Variants in GANC observed in about 807,000 individuals in gnomAD.
GANC encodes the protein neutral alpha-glucosidase C.
A neutral mutation model predicts 124.2 loss-of-function variants in GANC; 117 were observed. The ratio of observed to expected loss-of-function variants is 0.94; its 90% CI spans 0.81 to 1.10. GANC has a LOEUF of 1.10. Among genes scored for constraint, GANC ranks in the 50% least tolerant of loss-of-function variants. The pLI, the probability that GANC is intolerant of heterozygous loss-of-function variation, is 0.00. For missense variants in GANC, 1,140 were observed against 1,095.0 expected (o/e 1.04, Z -0.58); for synonymous variants, 377 against 376.8 (o/e 1.00, Z -0.01).
chr15:42,321,762 C>G, intron 10 of GANC, 23 bp from the exon 11 acceptor site: 4 of 1,587,618 alleles, frequency 2.5e-6, no homozygotes, highest in Non-Finnish European at 3.5e-6. Flanking sequence ...GCAGTTGACT[C>G]AGTTGTCATC....
chr15:42,308,250 CT>C lies in GANC; in HGVS notation c.656del (p.Leu219CysfsTer62). On this transcript the variant is annotated frameshift_variant, in exon 8 of 24. Coordinates refer to ENST00000318010, the MANE Select transcript of GANC (RefSeq NM_198141.3). LOFTEE classifies it high-confidence loss of function. ...GPSSIGLDFS[L>X]HGFEHLYGIP... ...CTTCTTCTATTGGTTTGGATTTCTC[CT>C]TGCATGGATTTGAGCATCTTTATGG... is the stretch of plus-strand genomic sequence containing the variant. 1 of 1,608,974 alleles carries C rather than the reference CT, an allele frequency of 6.2e-7. No homozygotes were observed. The highest frequency in any genetic ancestry group is 1.1e-5 in the South Asian group (1 of 90,562).
rs780933339 is a variant in GANC, at chr15:42,339,907, CATG to C, written c.2084_2086del (p.Met695del). 2 of 1,612,146 alleles carry C rather than the reference CATG, an allele frequency of 1.2e-6. No homozygotes were observed. Among genetic ancestry groups the C allele is most frequent in the South Asian group, 2.2e-5 (2 of 90,952 alleles). On this transcript the variant is annotated inframe_deletion and splice_region_variant, in exon 17 of 24. Coordinates refer to ENST00000318010, the MANE Select transcript of GANC (RefSeq NM_198141.3). The stretch of plus-strand genomic sequence containing the variant: ...ATGCACACGTGGCTTCCCAACCTGT[CATG>C]AGGTAAAAAAGCTTCATCCATTCAG...
At chr15:42,319,397 T>G (rs962280867) in intron 10 of GANC, among the ~76,000 whole-genome samples, 1 of 152,178 alleles carries the variant, frequency 6.6e-6, no homozygotes, top group Admixed American at 6.5e-5. Flanking sequence ...CAGGCTGGAG[T>G]GCAGTGGCGT....
chr15:42,353,028 A>C lies in GANC; in HGVS notation c.*889A>C. The C allele has an allele frequency of 1.2e-6, 1 of 820,000 alleles. No homozygotes were observed. Among genetic ancestry groups the C allele is most frequent in the Non-Finnish European group, 1.5e-6 (1 of 678,930 alleles). 50.8% of individuals were successfully genotyped at this position (820,000 alleles called of 1,614,324 possible). On this transcript the variant is annotated 3_prime_UTR_variant, in exon 24 of 24. Coordinates refer to ENST00000318010, the MANE Select transcript of GANC (RefSeq NM_198141.3). ...TAAAAATCAGAATTAATGCAAAAAAAACCATGATGAACAAAATATTAAAAT... is the reference window on the plus strand; with the variant it reads ...TAAAAATCAGAATTAATGCAAAAAACACCATGATGAACAAAATATTAAAAT...
In GANC at chr15:42,352,298, T is replaced by C; in HGVS notation, c.*159T>C. On this transcript the variant is annotated 3_prime_UTR_variant, in exon 24 of 24. Transcript: ENST00000318010. ...ATACTAATGAACAATAGATTTCATG[T>C]TTCAAAATTTCAGATTTTACATGTT... 1 of 1,425,336 alleles carries C rather than the reference T, an allele frequency of 7.0e-7. No homozygotes were observed. The highest frequency in any genetic ancestry group is 2.6e-5 in the East Asian group (1 of 38,984). 88.3% of individuals were successfully genotyped at this position (1,425,336 alleles called of 1,614,324 possible).
At chr15:42,331,921 A>T (rs1366940564) in intron 15 of GANC, among the ~76,000 whole-genome samples, 1 of 152,180 alleles carries the variant, frequency 6.6e-6, no homozygotes. Context: ...ATATTAACCT[A>T]ATTTTGTATT....
chr15:42,330,541 C>A, intron 14 of GANC, 35 bp from the exon 15 acceptor site: 2 of 1,492,908 alleles, frequency 1.3e-6, no homozygotes, highest in Non-Finnish European at 1.9e-6. Flanking sequence ...CAAATCCAAT[C>A]ATCTCTTTGA....
At position 42,296,494 on chromosome 15, in the gene GANC, G is replaced by A. The variant is rs144962707; in HGVS notation, c.513-1117G>A. On this transcript the variant is annotated intron_variant, in intron 5 of 23. Transcript: ENST00000318010. Reference sequence around the variant, plus strand: ...CTCCGCCTCCCAATTGCAGGTTCAAGCAATTCTCCTGCCTCAGCCTCCCAA... The same window carrying A: ...CTCCGCCTCCCAATTGCAGGTTCAAACAATTCTCCTGCCTCAGCCTCCCAA... 1.5e-3 allele frequency among the ~76,000 whole-genome samples: 227 copies of A among 152,250 alleles called. 2 individuals carry two copies. Among genetic ancestry groups the A allele is most frequent in the African/African-American group, 4.7e-3 (194 of 41,536 alleles).
intron 10 of GANC, among the ~76,000 whole-genome samples, chr15:42,317,656 T>G (rs1429266628): frequency 2.5e-5 from 2 of 79,572 alleles, no homozygotes; most frequent in African/African-American, 4.4e-5. Flanking sequence ...GGTACGTGAA[T>G]TCAGTAAAGC....
chr15:42,314,099 C>G (rs775339216), intron 10 of GANC: 2 of 730,518 alleles, frequency 2.7e-6, no homozygotes, highest in Non-Finnish European at 5.0e-6. Context: ...AAAAATAGCT[C>G]TCAGTCTGAG....
Position 42,345,091 on chromosome 15 carries a change from A to C in GANC, c.2230-667A>C, listed in dbSNP as rs545646096. 9.2e-5 allele frequency among the ~76,000 whole-genome samples: 14 copies of C among 152,230 alleles called. No individual in the cohort carries two copies. The South Asian group carries it at 2.7e-3, about 29-fold the overall frequency. On this transcript the variant is annotated intron_variant, in intron 19 of 23. Coordinates refer to ENST00000318010, the MANE Select transcript of GANC (RefSeq NM_198141.3). ...AAGAAAGAAAAAGATGTTTGCTTTCATTCTGCTTCTGATGATATCTTAAGA... is the reference window on the plus strand; with the variant it reads ...AAGAAAGAAAAAGATGTTTGCTTTCCTTCTGCTTCTGATGATATCTTAAGA...
At chr15:42,301,495 C>T (rs1032907176) in intron 6 of GANC, among the ~76,000 whole-genome samples, 6 of 151,672 alleles carry the variant, frequency 4.0e-5, no homozygotes, top group African/African-American at 1.5e-4. Context: ...GGAACACCAG[C>T]GAGACAGAAC....
rs543158800 is a variant in GANC at position 42,274,559 on chromosome 15, C to T, written c.29+49C>T. On this transcript the variant is annotated intron_variant, in intron 1 of 23. Coordinates refer to ENST00000318010, the MANE Select transcript of GANC (RefSeq NM_198141.3). ...CGAGTGACCCCAGGGTCCCTAGAAA[C>T]AGGGAATAGTGTTTTAATTGCATTT... 14 of 1,540,582 alleles carry T rather than the reference C, an allele frequency of 9.1e-6. No homozygotes were observed. In the Admixed American group the frequency reaches 2.0e-4, roughly 22 times the overall value.
At chr15:42,275,381 A>AT (rs1034333929) in intron 1 of GANC, among the ~76,000 whole-genome samples, 46 of 152,302 alleles carry the variant, frequency 3.0e-4, no homozygotes, top group Admixed American at 2.8e-3. Flanking sequence ...CTCAAAAAAA[A>AT]TTTTTTTAAT....
intron 10 of GANC, among the ~76,000 whole-genome samples, chr15:42,313,347 GACA>G (rs777772976): frequency 3.3e-5 from 5 of 152,132 alleles, no homozygotes; most frequent in Non-Finnish European, 7.3e-5. Flanking sequence ...TCTTAGATAT[GACA>G]ACAAAATCGT....
At chr15:42,288,562 A>G (rs1366453059) in intron 4 of GANC, among the ~76,000 whole-genome samples, 1 of 152,218 alleles carries the variant, frequency 6.6e-6, no homozygotes, top group Non-Finnish European at 1.5e-5. Context: ...TGAAAATCTT[A>G]TAAAAGGTCA....
chr15:42,319,508 T>G (rs2052138699), intron 10 of GANC, among the ~76,000 whole-genome samples: 1 of 27,480 alleles, frequency 3.6e-5, no homozygotes, highest in Admixed American at 8.1e-4. Flanking sequence ...CATGCCCAGC[T>G]AATTCTTTTT....
chr15:42,315,205 G>A (rs1421473339), intron 10 of GANC, among the ~76,000 whole-genome samples: 3 of 151,746 alleles, frequency 2.0e-5, no homozygotes, highest in African/African-American at 4.8e-5. Flanking sequence ...ATAAATATTT[G>A]CCATATCCTT....
At chr15:42,301,471 C>G (rs2051945525) in intron 6 of GANC, among the ~76,000 whole-genome samples, 2 of 151,612 alleles carry the variant, frequency 1.3e-5, no homozygotes, top group East Asian at 3.9e-4. Context: ...TTTTTTCATA[C>G]CCCAGTGGCG....
Sources: gnomAD v4.1 joint callset for allele counts (sites outside exome capture counted in the v4.1 genomes callset) on GRCh38, gnomAD v4.1.1 for gene constraint, MANE v1.5 for transcripts, NCBI Gene and HGNC (gene_info 2026-07-23, HGNC 2026-07-21) for gene names.